LY96: variants seen among roughly 807,000 people sequenced by gnomAD.
The protein encoded by LY96 is myeloid differentiation protein-2.
LY96 carries 18 observed loss-of-function variants against 18.9 expected under a neutral mutation model. The observed-to-expected ratio is 0.95, with a 90% CI of 0.66 to 1.41. The LOEUF is 1.41. LY96 is among the 40% of genes most tolerant of loss of function. The probability of loss-of-function intolerance (pLI) is 0.00; values close to 1 mark genes in which losing one functional copy is unlikely to be tolerated. For synonymous variants in LY96, 66 were observed against 62.6 expected (o/e 1.06, Z -0.26); for missense variants, 175 against 182.4 (o/e 0.96, Z 0.23).
At chr8:74,095,059 C>T in the LY96 span, among the ~76,000 whole-genome samples, 2 of 152,112 alleles carry the variant, frequency 1.3e-5, no homozygotes, top group Non-Finnish European at 2.9e-5. Context: ...TATTATTGTT[C>T]CAAAGGTGTG....
In LY96 at chr8:73,991,524, T is replaced by C. The variant is rs1461613261; in HGVS notation, c.82T>C (p.Ser28Pro). 8 of 1,610,892 alleles carry C rather than the reference T, an allele frequency of 5.0e-6. No individual in the cohort carries two copies. Among genetic ancestry groups the C allele is most frequent in the African/African-American group, 1.3e-5 (1 of 74,812 alleles). The change falls in exon 1 of 5, where the codon TCC becomes CCC. Residue 28 changes from serine (S) to proline (P), a missense_variant. Ser to Pro is a moderately conservative substitution (Grantham distance 74). Transcript: ENST00000284818. ...AQKQYWVCNS[S>P]DASISYTYCD... is the part of the protein sequence containing the mutation. Reference sequence around the variant, plus strand: ...GAAGCAGTATTGGGTCTGCAACTCATCCGATGCAAGTATTTCATACACCTA... The same window carrying C: ...GAAGCAGTATTGGGTCTGCAACTCACCCGATGCAAGTATTTCATACACCTA...
chr8:74,091,779 C>G, the LY96 span, among the ~76,000 whole-genome samples: 1 of 152,186 alleles, frequency 6.6e-6, no homozygotes, highest in South Asian at 2.1e-4. Flanking sequence ...GGCAAACGCT[C>G]TAACTGACCA....
chr8:74,014,887 G>C (rs1313067490), intron 3 of LY96, among the ~76,000 whole-genome samples: 2 of 151,098 alleles, frequency 1.3e-5, no homozygotes, highest in African/African-American at 4.9e-5. Flanking sequence ...TGAATCAATG[G>C]ATGGATATTT....
the LY96 span, among the ~76,000 whole-genome samples, chr8:74,096,205 T>C: frequency 6.6e-6 from 1 of 152,212 alleles, no homozygotes; most frequent in Non-Finnish European, 1.5e-5. Flanking sequence ...TTTTAGCTGG[T>C]CTTCAAGCTT....
intron 1 of LY96, among the ~76,000 whole-genome samples, chr8:73,999,527 T>C (rs1816220642): frequency 6.6e-6 from 1 of 152,208 alleles, no homozygotes; most frequent in Non-Finnish European, 1.5e-5. Flanking sequence ...CCCAAAGTGC[T>C]GGGGTTACAG....
At chr8:74,054,702 C>A in the LY96 span, among the ~76,000 whole-genome samples, 189 of 144,526 alleles carry the variant, frequency 1.3e-3, no homozygotes, top group South Asian at 5.9e-3. Context: ...TTCACTCTGT[C>A]ACCTAGGCTG....
At chr8:74,052,109 G>C in the LY96 span, among the ~76,000 whole-genome samples, 1 of 152,208 alleles carries the variant, frequency 6.6e-6, no homozygotes, top group South Asian at 2.1e-4. Flanking sequence ...TTGTTGGGGA[G>C]AGAAGAGGTT....
the LY96 span, among the ~76,000 whole-genome samples, chr8:74,069,505 C>T: frequency 3.3e-5 from 5 of 152,216 alleles, no homozygotes; most frequent in Non-Finnish European, 7.3e-5. Flanking sequence ...TCCATAGCAT[C>T]ATTTGCATGT....
chr8:74,092,311 C>A, the LY96 span, among the ~76,000 whole-genome samples: 1 of 152,248 alleles, frequency 6.6e-6, no homozygotes, highest in East Asian at 1.9e-4. Context: ...CCCCACATTG[C>A]CCCCTTTAGC....
chr8:74,048,439 T>A, the LY96 span, among the ~76,000 whole-genome samples: 1 of 152,116 alleles, frequency 6.6e-6, no homozygotes, highest in African/African-American at 2.4e-5. Flanking sequence ...TTTTTTTAAA[T>A]CCGGGTGGGC....
At chr8:74,033,648 G>A (rs558678220), downstream of LY96, among the ~76,000 whole-genome samples, 1 of 152,328 alleles carries the variant, frequency 6.6e-6, no homozygotes, top group Non-Finnish European at 1.5e-5. Context: ...TGTGAAGTTC[G>A]AAGGTGAACA....
At chr8:74,072,385 G>A in the LY96 span, among the ~76,000 whole-genome samples, 2 of 152,110 alleles carry the variant, frequency 1.3e-5, no homozygotes, top group African/African-American at 2.4e-5. Flanking sequence ...TCTGTGAAAG[G>A]CTTGCTCTTT....
At chr8:74,099,088 T>C in the LY96 span, among the ~76,000 whole-genome samples, 6 of 152,224 alleles carry the variant, frequency 3.9e-5, no homozygotes, top group African/African-American at 7.2e-5. Flanking sequence ...CTCTAAATAA[T>C]CTTTTATGGA....
rs764248640 is a variant in LY96, at chr8:74,004,771, T to A, written c.113-25T>A. The A allele has an allele frequency of 5.9e-6, 9 of 1,524,848 alleles. No individual in the cohort carries two copies. The African/African-American group carries it at 1.2e-4, about 21-fold the overall frequency. 94.5% of individuals were successfully genotyped at this position (1,524,848 alleles called of 1,614,324 possible). On this transcript the variant is annotated intron_variant, in intron 1 of 4. Coordinates refer to ENST00000284818, the MANE Select transcript of LY96 (RefSeq NM_015364.5). ...AATGGAGATGATTTGTAGTAATTTA[T>A]TGACATTATCTTTATTGCTTTTAGA...
intron 1 of LY96, among the ~76,000 whole-genome samples, chr8:73,992,008 C>T (rs1816014646): frequency 6.6e-6 from 1 of 152,142 alleles, no homozygotes; most frequent in South Asian, 2.1e-4. Flanking sequence ...TGGATGAAAG[C>T]CTGGTTCTGT....
At chr8:74,022,292 C>T (rs1030428734) in intron 3 of LY96, among the ~76,000 whole-genome samples, 1 of 151,792 alleles carries the variant, frequency 6.6e-6, no homozygotes, top group Non-Finnish European at 1.5e-5. Flanking sequence ...TTGTAATCCC[C>T]GCTACCACCC....
intron 2 of LY96, among the ~76,000 whole-genome samples, chr8:74,007,790 C>T (rs1816444382): frequency 1.3e-5 from 2 of 152,088 alleles, no homozygotes; most frequent in Non-Finnish European, 2.9e-5. Context: ...GATGGAGTCT[C>T]ACTCTGTCAC....
At chr8:74,072,325 T>C in the LY96 span, among the ~76,000 whole-genome samples, 1 of 152,220 alleles carries the variant, frequency 6.6e-6, no homozygotes, top group Non-Finnish European at 1.5e-5. Context: ...CTGTAAGTCC[T>C]AATGAAATTA....
chr8:74,081,062 T>TCTCTTTCTCTCTTTCTC, the LY96 span, among the ~76,000 whole-genome samples: 11 of 125,392 alleles, frequency 8.8e-5, no homozygotes, highest in African/African-American at 4.3e-4. Context: ...CTTTCTTTCT[T>TCTCTTTCTCTCTTTCTC]TCTTACTTTC....
Sources: allele counts gnomAD v4.1 joint callset (sites outside exome capture counted in the v4.1 genomes callset), GRCh38; gene constraint gnomAD v4.1.1; transcripts MANE v1.5; gene names NCBI Gene and HGNC (gene_info 2026-07-23, HGNC 2026-07-21).